Variants in RAB33A observed in about 807,000 individuals in gnomAD.
RAB33A encodes ras-related protein Rab-33A.
In RAB33A, 6 loss-of-function variants were observed where a neutral mutation model predicts 12.0. The ratio of observed to expected loss-of-function variants is 0.50; its 90% confidence interval spans 0.27 to 0.99. The LOEUF is 0.99. Among genes scored for constraint, RAB33A ranks in the 50% least tolerant of loss-of-function variants. RAB33A has a pLI of 0.11. For synonymous variants in RAB33A, 70 were observed against 82.4 expected (o/e 0.85, Z 0.81); for missense variants, 109 against 192.0 (o/e 0.57, Z 2.55).
At chrX:130,165,676 G>A in the RAB33A span, 1 of 1,155,428 alleles carries the variant, frequency 8.7e-7, no homozygotes, top group Non-Finnish European at 1.2e-6. Flanking sequence ...CGCTATTCGG[G>A]ACCTCCTCCT....
At chrX:130,141,362 C>T in the RAB33A span, among the ~76,000 whole-genome samples, 13 of 111,405 alleles carry the variant, frequency 1.2e-4, no homozygotes, top group East Asian at 2.8e-4. Flanking sequence ...GTCCCAAAGC[C>T]CTGACCCATG....
At chrX:130,182,884 C>T (rs183084009) in intron 1 of RAB33A, among the ~76,000 whole-genome samples, 1,795 of 111,645 alleles carry the variant, frequency 0.016, 23 homozygotes, top group Middle Eastern at 0.028. Flanking sequence ...CATAATATCC[C>T]ACTGTACGGA....
chrX:130,128,212 T>G, the RAB33A span, among the ~76,000 whole-genome samples: 1 of 111,819 alleles, frequency 8.9e-6, no homozygotes, highest in African/African-American at 3.3e-5. Context: ...AATAATTTTC[T>G]CTTTATATAC....
the RAB33A span, among the ~76,000 whole-genome samples, chrX:130,119,837 G>A: frequency 1.8e-5 from 2 of 111,791 alleles, no homozygotes; most frequent in Non-Finnish European, 3.8e-5. Flanking sequence ...TGGACTGAGA[G>A]GGGAGGAGAG....
the RAB33A span, chrX:130,149,502 G>C: frequency 8.3e-7 from 1 of 1,210,998 alleles, no homozygotes; most frequent in Non-Finnish European, 1.1e-6. Context: ...TTCTGTTCTG[G>C]TGTCAGCCCT....
chrX:130,118,672 C>T, the RAB33A span, among the ~76,000 whole-genome samples: 61 of 112,076 alleles, frequency 5.4e-4, 1 homozygote, highest in African/African-American at 1.9e-3. Context: ...CCATCCAACT[C>T]GGCGGCTGCT....
the RAB33A span, chrX:130,131,803 A>G: frequency 5.0e-6 from 6 of 1,210,808 alleles, no homozygotes; most frequent in Non-Finnish European, 6.7e-6. Flanking sequence ...ATCACTCCTA[A>G]GAAGAGAGAA....
the RAB33A span, chrX:130,147,403 C>T: frequency 8.9e-7 from 1 of 1,121,164 alleles, no homozygotes; most frequent in Admixed American, 2.2e-5. Context: ...GCCATCCCTC[C>T]TATTACTGTA....
chrX:130,169,430 A>C (rs1603233898), upstream of RAB33A, among the ~76,000 whole-genome samples: 2 of 111,884 alleles, frequency 1.8e-5, no homozygotes, highest in Admixed American at 9.6e-5. Flanking sequence ...CATGTATTTG[A>C]AAGTAATTTA....
chrX:130,162,117 G>A, the RAB33A span, among the ~76,000 whole-genome samples: 7 of 112,085 alleles, frequency 6.2e-5, no homozygotes, highest in African/African-American at 1.6e-4. Flanking sequence ...ATGTGCCAGA[G>A]ATGGTACAAG....
At chrX:130,137,237 G>C in the RAB33A span, 33 of 1,206,799 alleles carry the variant, frequency 2.7e-5, no homozygotes, top group Non-Finnish European at 3.6e-5. Context: ...TCAATCCTAG[G>C]AATACAGGAA....
chrX:130,163,456 A>C, the RAB33A span, among the ~76,000 whole-genome samples: 1 of 112,196 alleles, frequency 8.9e-6, no homozygotes, highest in Non-Finnish European at 1.9e-5. Flanking sequence ...ATCAAGCCAC[A>C]AAACAGAGTT....
the RAB33A span, among the ~76,000 whole-genome samples, chrX:130,126,668 G>A: frequency 9.0e-6 from 1 of 111,561 alleles, no homozygotes. Context: ...TTACAAGACA[G>A]AGGTGCATTT....
the RAB33A span, among the ~76,000 whole-genome samples, chrX:130,157,601 A>G: frequency 8.9e-6 from 1 of 111,881 alleles, no homozygotes; most frequent in Non-Finnish European, 1.9e-5. Context: ...TTCCAATAAA[A>G]CTTTATGGAC....
At chrX:130,116,961 C>T in the RAB33A span, among the ~76,000 whole-genome samples, 1 of 112,315 alleles carries the variant, frequency 8.9e-6, no homozygotes, top group Non-Finnish European at 1.9e-5. Flanking sequence ...CGCCTGTAAT[C>T]CCAGCACTTT....
the RAB33A span, chrX:130,145,664 T>C: frequency 1.4e-6 from 1 of 693,177 alleles, no homozygotes; most frequent in Non-Finnish European, 2.2e-6. Flanking sequence ...TATCAGAAAC[T>C]TTAAGGGACG....
At chrX:130,159,123 C>G in the RAB33A span, among the ~76,000 whole-genome samples, 2 of 111,694 alleles carry the variant, frequency 1.8e-5, no homozygotes, top group Non-Finnish European at 3.8e-5. Flanking sequence ...TGACCAATCA[C>G]GCTAAGTGAT....
the RAB33A span, chrX:130,136,552 A>C: frequency 1.2e-6 from 1 of 804,414 alleles, no homozygotes; most frequent in African/African-American, 2.0e-5. Flanking sequence ...CAGGAAAACT[A>C]ATCTACTGGT....
the RAB33A span, among the ~76,000 whole-genome samples, chrX:130,155,513 GAACT>G: frequency 3.1e-4 from 35 of 112,528 alleles, no homozygotes; most frequent in Non-Finnish European, 5.1e-4. Flanking sequence ...CAATAGGCAA[GAACT>G]ATCTACTTTT....
Sources: gnomAD v4.1 joint callset for allele counts (sites outside exome capture counted in the v4.1 genomes callset) on GRCh38, gnomAD v4.1.1 for gene constraint, MANE v1.5 for transcripts, NCBI Gene and HGNC (gene_info 2026-07-23, HGNC 2026-07-21) for gene names.